The following LMF2 variants were observed in gnomAD, a reference collection of about 807,000 sequenced individuals.
LMF2 encodes lipase maturation factor 2, also known as transmembrane protein 112B.
A neutral mutation model predicts 81.5 loss-of-function variants in LMF2; 113 were observed. That is an observed-to-expected ratio of 1.39 (90% CI 1.19 to 1.62). The LOEUF (loss-of-function observed/expected upper bound fraction) is 1.62, where lower values mean the gene tolerates loss of function less well. Ranked by LOEUF, LMF2 falls within the 40% of genes most tolerant of loss-of-function variation. The pLI is 0.00. For synonymous variants in LMF2, 645 were observed against 424.5 expected, an observed-to-expected ratio of 1.52 and a Z score of -6.39; for missense variants, 1,235 against 929.1, an observed-to-expected ratio of 1.33 and a Z score of -4.28.
At position 50,505,920 on chromosome 22, in the gene LMF2, C is replaced by G; in HGVS notation, c.775-105G>C. 2.5e-6 allele frequency: 4 copies of G among 1,574,426 alleles called. No homozygotes were observed. The Middle Eastern group carries it at 5.6e-4, about 221-fold the overall frequency. ...GCATCCCTCTGCTACAAGGCCTTCC[C>G]AACAGCGGTTGCCAGCTGTCCCCGG... is the stretch of plus-strand genomic sequence containing the variant. On this transcript the variant is annotated intron_variant, in intron 5 of 13. Transcript: ENST00000474879.
rs773545204 is a variant in LMF2, at chr22:50,505,056, C to G, written c.1254+1G>C. The G allele has an allele frequency of 1.2e-6, 2 of 1,612,806 alleles. No individual in the cohort carries two copies. Among genetic ancestry groups the G allele is most frequent in the Non-Finnish European group, 1.7e-6 (2 of 1,179,980 alleles). On this transcript the variant is annotated splice_donor_variant, in intron 9 of 13. Coordinates refer to ENST00000474879, the MANE Select transcript of LMF2 (RefSeq NM_033200.3). LOFTEE classifies it high-confidence loss of function. ...TCCCCCAGCCCTGCAGCGCTACCCA[C>G]CAGGCTAATCAGGAACAAGGCCACG...
At position 50,506,670 on chromosome 22, in the gene LMF2, C is replaced by A. The variant is rs781025747; in HGVS notation, c.349-4G>T. 22 of 1,613,510 alleles carry A rather than the reference C, an allele frequency of 1.4e-5. No individual in the cohort carries two copies. In the Admixed American group the frequency reaches 3.7e-4, roughly 27 times the overall value. The stretch of plus-strand genomic sequence containing the variant: ...AATAAAGGAACACCTGGCCCACCTG[C>A]GGAGAGAGGGGCTGTCAGGGAGCGG... On this transcript the variant is annotated splice_polypyrimidine_tract_variant and splice_region_variant and intron_variant, in intron 2 of 13. Coordinates refer to ENST00000474879, the MANE Select transcript of LMF2 (RefSeq NM_033200.3).
Position 50,503,346 on chromosome 22 carries a change from C to G in LMF2, c.*45G>C. 6.3e-7 allele frequency: 1 copy of G among 1,598,234 alleles called. No homozygotes were observed. Among genetic ancestry groups the G allele is most frequent in the Non-Finnish European group, 8.5e-7 (1 of 1,172,302 alleles). ...CTGTCCTGCCGGAGGCCAGAGCACTCCCGGCGACCTGGCCCTCTCAGGACG... is the reference window on the plus strand; with the variant it reads ...CTGTCCTGCCGGAGGCCAGAGCACTGCCGGCGACCTGGCCCTCTCAGGACG... On this transcript the variant is annotated 3_prime_UTR_variant, in exon 14 of 14. Coordinates refer to ENST00000474879, the MANE Select transcript of LMF2 (RefSeq NM_033200.3).
Position 50,506,974 on chromosome 22 carries a change from C to T in LMF2, c.156G>A (p.Gly52=). The change falls in exon 2 of 14, where the codon GGG becomes GGA. Residue 52 remains glycine, a synonymous_variant. Coordinates refer to ENST00000474879, the MANE Select transcript of LMF2 (RefSeq NM_033200.3). ...ARRTLRPQGK[G]RWQQLWETPT... ...GGGTCTCCCACAGCTGCTGCCAGCG[C>T]CCCTTGCCCTGAGGCCGCAGCGTCC... 6 of 1,591,624 alleles carry T rather than the reference C, an allele frequency of 3.8e-6. No homozygotes were observed. Among genetic ancestry groups the T allele is most frequent in the Non-Finnish European group, 5.1e-6 (6 of 1,175,120 alleles).
intron 1 of LMF2, 186 bp from the exon 2 acceptor site, chr22:50,507,221 G>T: frequency 1.0e-6 from 1 of 960,230 alleles, no homozygotes; most frequent in Non-Finnish European, 1.5e-6. Context: ...CCGTCCCAGG[G>T]CTAGAGGCCT....
In LMF2 at chr22:50,505,679, G is replaced by T; in HGVS notation, c.911C>A (p.Ala304Asp). 1 of 1,612,884 alleles carries T rather than the reference G, an allele frequency of 6.2e-7. No individual in the cohort carries two copies. The highest frequency in any genetic ancestry group is 8.5e-7 in the Non-Finnish European group (1 of 1,179,898). The change falls in exon 6 of 14, where the codon GCC becomes GAC. Residue 304 changes from alanine (A) to aspartate (D), a missense_variant. Physicochemically the swap from Ala to Asp is moderately radical, Grantham distance 126. Coordinates refer to ENST00000474879, the MANE Select transcript of LMF2 (RefSeq NM_033200.3). ...GCTGGACAAGTGACACGCACAGGTG[G>T]CCGTCTTCTTGCGGCTGCCGTGGCC... ...EPGHGSRKKT[A>D]TSWPKALLAT...
rs927621491 is a variant in LMF2 at position 50,503,238 on chromosome 22, A to G, written c.*153T>C. 2.6e-6 allele frequency: 2 copies of G among 760,916 alleles called. No individual in the cohort carries two copies. Among genetic ancestry groups the G allele is most frequent in the Admixed American group, 3.1e-5 (1 of 31,850 alleles). The allele number at this position is 760,916 out of a possible 1,614,324, so 47.1% of individuals were successfully genotyped here. ...GTGGGGGTGGGGCCTGGAGCCCTCAATGCAGCACCCTGCAAACCCCAGGGG... is the reference window on the plus strand; with the variant it reads ...GTGGGGGTGGGGCCTGGAGCCCTCAGTGCAGCACCCTGCAAACCCCAGGGG... On this transcript the variant is annotated 3_prime_UTR_variant, in exon 14 of 14. Transcript: ENST00000474879.
Position 50,504,538 on chromosome 22 carries a change from C to T in LMF2, c.1606+21G>A, listed in dbSNP as rs1274900693. The T allele has an allele frequency of 2.7e-6, 4 of 1,506,762 alleles. 1 individual carries two copies. The South Asian group carries it at 3.6e-5, about 13-fold the overall frequency. 93.3% of individuals were successfully genotyped at this position (1,506,762 alleles called of 1,614,324 possible). A position where few individuals can be genotyped will look rare whatever the true frequency, so the allele number is the denominator to read the frequency against. ...CCGCTCCACCCCAGCCCACTCCACA[C>T]CCCCCAAGCCCGCTCCGCACCTGGC... On this transcript the variant is annotated intron_variant, in intron 11 of 13. Coordinates refer to ENST00000474879, the MANE Select transcript of LMF2 (RefSeq NM_033200.3).
intron 12 of LMF2, 86 bp from the exon 13 acceptor site, chr22:50,503,990 A>AC (rs2068477933): frequency 1.8e-5 from 21 of 1,158,632 alleles, no homozygotes; most frequent in Non-Finnish European, 2.3e-5. Context: ...CCTGCTCCTC[A>AC]GCTCCTCACG....
rs2068544782 is a variant in LMF2, at chr22:50,505,740, C to T, written c.850G>A (p.Ala284Thr). 2 of 1,613,108 alleles carry T rather than the reference C, an allele frequency of 1.2e-6. No individual in the cohort carries two copies. Among genetic ancestry groups the T allele is most frequent in the East Asian group, 2.2e-5 (1 of 44,876 alleles). The change falls in exon 6 of 14, where the codon GCG becomes ACG. Residue 284 changes from alanine to threonine, a missense_variant. By Grantham distance (58) the Ala-to-Thr change is moderately conservative. Transcript: ENST00000474879. The stretch of plus-strand genomic sequence containing the variant: ...GCCAGGTGCTGGTCGTCCAGCAGCG[C>T]AGTGGTAAGCACCAGCGTCATCAGG... Reference protein sequence around the residue: ...FNLMTLVLTTALLDDQHLAAE... With the variant: ...FNLMTLVLTTTLLDDQHLAAE...
In LMF2 at chr22:50,503,372, T is replaced by G; in HGVS notation, c.*19A>C. On this transcript the variant is annotated 3_prime_UTR_variant, in exon 14 of 14. Transcript: ENST00000474879. The stretch of plus-strand genomic sequence containing the variant: ...CCGGCGACCTGGCCCTCTCAGGACG[T>G]GCAGCTGGGAGAACACAGCTACTTC... 6.2e-7 allele frequency: 1 copy of G among 1,610,592 alleles called. No individual in the cohort carries two copies. The highest frequency in any genetic ancestry group is 8.5e-7 in the Non-Finnish European group (1 of 1,179,042).
chr22:50,506,444 C>T lies in LMF2; in HGVS notation c.436G>A (p.Ala146Thr). The change falls in exon 4 of 14, where the codon GCC (alanine) becomes ACC (threonine). Residue 146 changes from alanine (A) to threonine (T), a missense_variant. Physicochemically the swap from Ala to Thr is moderately conservative, Grantham distance 58. Coordinates refer to ENST00000474879, the MANE Select transcript of LMF2 (RefSeq NM_033200.3). ...TGGGGGGCCTCCTTGCGGTGGGAGG[C>T]TGGCCTCAGCGGGGCCACCAGCACG... ...LAVLVAPLRPASHRKEAPQGR... is the reference protein window; with the variant it reads ...LAVLVAPLRPTSHRKEAPQGR... 6.5e-7 allele frequency: 1 copy of T among 1,550,132 alleles called. No individual in the cohort carries two copies. The highest frequency in any genetic ancestry group is 8.7e-7 in the Non-Finnish European group (1 of 1,148,338).
chr22:50,504,289 G>C, intron 12 of LMF2, 51 bp downstream of exon 12: 1 of 1,235,612 alleles, frequency 8.1e-7, no homozygotes, highest in Non-Finnish European at 1.1e-6. Flanking sequence ...CCGGTGCCCG[G>C]CCTTACCCCT....
chr22:50,505,940 C>G (rs2068551182), intron 5 of LMF2, 95 bp downstream of exon 5: 8 of 1,561,532 alleles, frequency 5.1e-6, no homozygotes, highest in Non-Finnish European at 7.0e-6. Flanking sequence ...TGCCAGCTGT[C>G]CCCGGGAGCC....
chr22:50,503,681 T>TGC lies in LMF2; in HGVS notation c.1832_1833dup (p.Thr612AlafsTer46). ...GCCAGGGTGCTGTTGGCGCTGCGGG[T>TGC]GCGAGGTGGGCTTTTCTCCTGTGGG... On this transcript the variant is annotated frameshift_variant, in exon 14 of 14. Transcript: ENST00000474879. LOFTEE classifies it low-confidence loss of function (END_TRUNC). 4 of 1,128,868 alleles carry TGC rather than the reference T, an allele frequency of 3.5e-6. No individual in the cohort carries two copies. Among genetic ancestry groups the TGC allele is most frequent in the Non-Finnish European group, 4.8e-6 (4 of 830,122 alleles). 69.9% of individuals were successfully genotyped at this position (1,128,868 alleles called of 1,614,324 possible). A position where few individuals can be genotyped will look rare whatever the true frequency, so the allele number is the denominator to read the frequency against.
rs1569518210 is a variant in LMF2 at position 50,504,711 on chromosome 22, T to A, written c.1454A>T (p.Tyr485Phe). 1.2e-6 allele frequency: 2 copies of A among 1,609,982 alleles called. No homozygotes were observed. Among genetic ancestry groups the A allele is most frequent in the Non-Finnish European group, 1.7e-6 (2 of 1,179,366 alleles). The change falls in exon 11 of 14, where the codon TAC becomes TTC. Residue 485 changes from tyrosine (Y) to phenylalanine (F), a missense_variant. Coordinates refer to ENST00000474879, the MANE Select transcript of LMF2 (RefSeq NM_033200.3). ...GHHWTEIEFM[Y>F]KPGNLSRPPP... ...CGGCCGGCTCAGGTTCCCAGGCTTG[T>A]ACATGAACTCGATCTCCTGCCAGGC...
rs769383104 is a variant in LMF2, at chr22:50,506,516, A to G, written c.378-14T>C. ...AGCAGGGAGTCCCTATGGGGAGAGC[A>G]AATAGCACCAAGAGCCCCTCCCCAC... On this transcript the variant is annotated splice_polypyrimidine_tract_variant and intron_variant, in intron 3 of 13. Transcript: ENST00000474879. 20 of 1,561,058 alleles carry G rather than the reference A, an allele frequency of 1.3e-5. No individual in the cohort carries two copies. Among genetic ancestry groups the G allele is most frequent in the Non-Finnish European group, 1.3e-5 (15 of 1,155,868 alleles).
Position 50,504,846 on chromosome 22 carries a change from G to A in LMF2, c.1393C>T (p.Pro465Ser), listed in dbSNP as rs1262063869. The A allele has an allele frequency of 2.8e-5, 45 of 1,610,784 alleles. No individual in the cohort carries two copies. Among genetic ancestry groups the A allele is most frequent in the Non-Finnish European group, 3.8e-5 (45 of 1,178,754 alleles). The change falls in exon 10 of 14, where the codon CCT becomes TCT. Residue 465 changes from proline (P) to serine (S), a missense_variant. Transcript: ENST00000474879. ...TAACTGCCCTCCAGCACCACCTCAG[G>A]CCGTCCACCAAGCCCAGTCATGCGG... ...FRRMTGLGGR[P>S]EVVLEGSYDG...
rs1352086025 is a variant in LMF2, at chr22:50,503,514, TGC to T, written c.1999_2000del (p.Ala667ThrfsTer32). ...APCSLRSSPL[A>X]PVSGEKRRPA... is the part of the protein sequence containing the mutation. Reference sequence around the variant, plus strand: ...GCCTGCGCTTCTCCCCGCTGACTGGTGCCAGCGGGGAGGACCGGAGAGAACAG... The same window carrying T: ...GCCTGCGCTTCTCCCCGCTGACTGGTCAGCGGGGAGGACCGGAGAGAACAG... On this transcript the variant is annotated frameshift_variant, in exon 14 of 14. Transcript: ENST00000474879. LOFTEE classifies it low-confidence loss of function (END_TRUNC). 6.3e-7 allele frequency: 1 copy of T among 1,578,614 alleles called. No homozygotes were observed. The highest frequency in any genetic ancestry group is 8.6e-7 in the Non-Finnish European group (1 of 1,166,178).
Sources: allele counts gnomAD v4.1 joint callset, GRCh38; gene constraint gnomAD v4.1.1; transcripts MANE v1.5; gene names NCBI Gene and HGNC (gene_info 2026-07-23, HGNC 2026-07-21).